Variants in CES5A observed in about 807,000 individuals in gnomAD.
CES5A encodes the protein carboxylesterase 5A, also known as carboxylesterase 5.
In CES5A, 67 loss-of-function variants were observed where a neutral mutation model predicts 62.9. That is an observed-to-expected ratio of 1.07 (90% CI 0.88 to 1.31). The LOEUF (loss-of-function observed/expected upper bound fraction) is 1.31. Among genes scored for constraint, CES5A ranks in the 50% most tolerant of loss-of-function variants. The probability of loss-of-function intolerance (pLI) is 0.00; values close to 1 mark genes in which losing one functional copy is unlikely to be tolerated. For missense variants in CES5A, 748 were observed against 708.5 expected, an observed-to-expected ratio of 1.06 and a Z score of -0.63; for synonymous variants, 296 against 280.8, an observed-to-expected ratio of 1.05 and a Z score of -0.54.
intron 2 of CES5A, among the ~76,000 whole-genome samples, chr16:55,946,363 A>G (rs1433706090): frequency 3.9e-5 from 6 of 152,140 alleles, no homozygotes; most frequent in Admixed American, 3.9e-4. Flanking sequence ...TTGTGAAAAA[A>G]AAATGGGAAA....
intron 1 of CES5A, among the ~76,000 whole-genome samples, chr16:55,908,850 C>A (rs547016937): frequency 3.6e-4 from 55 of 152,346 alleles, no homozygotes; most frequent in African/African-American, 1.2e-3. Flanking sequence ...TACTTTTCCA[C>A]CTGCAGTGGA....
At chr16:55,887,790 G>A (rs1383012292) in intron 1 of CES5A, among the ~76,000 whole-genome samples, 1 of 152,102 alleles carries the variant, frequency 6.6e-6, no homozygotes, top group African/African-American at 2.4e-5. Flanking sequence ...TACCAGTTGT[G>A]GGTTAAAAAA....
At chr16:55,855,194 T>G (rs2033215866) in intron 9 of CES5A, among the ~76,000 whole-genome samples, 1 of 152,228 alleles carries the variant, frequency 6.6e-6, no homozygotes, top group Non-Finnish European at 1.5e-5. Context: ...TGCACCCCAG[T>G]GCCCAGGGAA....
At chr16:55,915,183 C>T (rs2034134892) in intron 1 of CES5A, among the ~76,000 whole-genome samples, 1 of 152,142 alleles carries the variant, frequency 6.6e-6, no homozygotes, top group Admixed American at 6.5e-5. Context: ...AGAGCATTTG[C>T]TTCTCCTCAT....
At position 55,872,880 on chromosome 16, in the gene CES5A, T is replaced by C. The variant is rs148875434; in HGVS notation, c.278+953A>G. On this transcript the variant is annotated intron_variant, in intron 2 of 12. Coordinates refer to ENST00000290567, the MANE Select transcript of CES5A (RefSeq NM_001143685.2). ...CACCATCACCCCTCTCCATGCTCCA[T>C]GATGACAGCTGTGACTCAACCCCTG... 9.9e-3 allele frequency among the ~76,000 whole-genome samples: 1,502 copies of C among 152,304 alleles called. 14 individuals carry two copies. The highest frequency in any genetic ancestry group is 0.015 in the Non-Finnish European group (1,029 of 68,020).
At chr16:55,852,752 A>G in intron 10 of CES5A, 129 bp downstream of exon 10, 1 of 1,014,254 alleles carries the variant, frequency 9.9e-7, no homozygotes. Context: ...CCATCCAGGC[A>G]CACCTGGAAA....
At chr16:55,926,695 G>T (rs1171777211), upstream of CES5A, among the ~76,000 whole-genome samples, 2 of 152,172 alleles carry the variant, frequency 1.3e-5, no homozygotes, top group Non-Finnish European at 2.9e-5. Context: ...GGACTCTCTG[G>T]TGAAGCTTTT....
At chr16:55,852,166 T>C (rs1351465181) in intron 10 of CES5A, among the ~76,000 whole-genome samples, 1 of 152,238 alleles carries the variant, frequency 6.6e-6, no homozygotes, top group Admixed American at 6.5e-5. Flanking sequence ...CTTGATACCA[T>C]TGAACTATAC....
chr16:55,857,430 T>A (rs1249519105), intron 8 of CES5A, among the ~76,000 whole-genome samples: 1 of 152,130 alleles, frequency 6.6e-6, no homozygotes, highest in Non-Finnish European at 1.5e-5. Context: ...ACAAATGAAT[T>A]TTCTTGGTAT....
intron 5 of CES5A, among the ~76,000 whole-genome samples, chr16:55,863,660 C>G (rs1216578259): frequency 5.3e-5 from 8 of 152,160 alleles, no homozygotes; most frequent in African/African-American, 1.9e-4. Flanking sequence ...TCTTCATGGA[C>G]TTTGATGTCA....
At chr16:55,889,936 T>C (rs924010870) in intron 1 of CES5A, among the ~76,000 whole-genome samples, 1 of 152,174 alleles carries the variant, frequency 6.6e-6, no homozygotes, top group African/African-American at 2.4e-5. Flanking sequence ...TATTTCACAA[T>C]ATCACAGTGG....
chr16:55,877,670 A>G (rs1043408327), upstream of CES5A, among the ~76,000 whole-genome samples: 1 of 152,148 alleles, frequency 6.6e-6, no homozygotes, highest in Admixed American at 6.6e-5. Context: ...TAAGGAATCA[A>G]TGCCTCTAGA....
intron 1 of CES5A, among the ~76,000 whole-genome samples, chr16:55,897,201 C>T (rs1389712426): frequency 6.6e-6 from 1 of 152,078 alleles, no homozygotes; most frequent in African/African-American, 2.4e-5. Context: ...CCCAGGGTAC[C>T]ACTCCCTGCT....
chr16:55,929,524 G>A (rs2034288910), upstream of CES5A, among the ~76,000 whole-genome samples: 1 of 152,078 alleles, frequency 6.6e-6, no homozygotes, highest in Admixed American at 6.5e-5. Flanking sequence ...ACAGATCCAA[G>A]TCATCACTTC....
Position 55,937,142 on chromosome 16 carries a change from A to G in CES5A, c.160+12643T>C, listed in dbSNP as rs144978916. 3.5e-4 allele frequency among the ~76,000 whole-genome samples: 53 copies of G among 152,296 alleles called. 1 individual carries two copies. The East Asian group carries it at 9.8e-3, about 28-fold the overall frequency. ...GCTTTGCCTACCTGGAGAACTTAAC[A>G]TGTCCTTCAAGACCCACCTCAAGAT... On this transcript the variant is annotated intron_variant, in intron 2 of 13. Transcript: ENST00000521992.
chr16:55,940,914 G>A (rs1452473347), intron 2 of CES5A, among the ~76,000 whole-genome samples: 11 of 151,330 alleles, frequency 7.3e-5, no homozygotes, highest in Middle Eastern at 3.4e-3. Context: ...ATCATCATAC[G>A]TAATCCAGAA....
intron 1 of CES5A, among the ~76,000 whole-genome samples, chr16:55,920,657 A>C (rs1329438561): frequency 6.6e-6 from 1 of 152,266 alleles, no homozygotes; most frequent in Non-Finnish European, 1.5e-5. Flanking sequence ...AAAAAACAAA[A>C]GAAGCCAGCC....
chr16:55,943,592 C>A (rs777209564), intron 2 of CES5A, among the ~76,000 whole-genome samples: 1 of 152,216 alleles, frequency 6.6e-6, no homozygotes, highest in Non-Finnish European at 1.5e-5. Flanking sequence ...ACTGATGTTA[C>A]AAATGCTAAA....
At chr16:55,880,058 A>G (rs1162186952), upstream of CES5A, among the ~76,000 whole-genome samples, 1 of 152,174 alleles carries the variant, frequency 6.6e-6, no homozygotes, top group Non-Finnish European at 1.5e-5. Flanking sequence ...CCCTTGTTCT[A>G]TAGGTGGTAT....
Sources: gnomAD v4.1 joint callset for allele counts (sites outside exome capture counted in the v4.1 genomes callset) on GRCh38, gnomAD v4.1.1 for gene constraint, MANE v1.5 for transcripts, NCBI Gene and HGNC (gene_info 2026-07-23, HGNC 2026-07-21) for gene names.